Variants in PHF14 observed in about 807,000 individuals in gnomAD.
The protein encoded by PHF14 is PHD finger protein 14.
PHF14 carries 55 observed loss-of-function variants against 117.9 expected under a neutral mutation model. The observed-to-expected ratio is 0.47, with a 90% CI of 0.38 to 0.58. PHF14 has a LOEUF of 0.58. Ranked by LOEUF, PHF14 falls within the 20% of genes least tolerant of loss-of-function variation. The probability of loss-of-function intolerance (pLI) is 0.00; values close to 1 mark genes in which losing one functional copy is unlikely to be tolerated. For missense variants in PHF14, 978 were observed against 1,122.2 expected (o/e 0.87, Z 1.84); for synonymous variants, 409 against 368.6 (o/e 1.11, Z -1.26).
intron 17 of PHF14, among the ~76,000 whole-genome samples, chr7:11,140,155 C>T (rs373236835): frequency 6.6e-6 from 1 of 152,084 alleles, no homozygotes; most frequent in Non-Finnish European, 1.5e-5. Flanking sequence ...CCTGCACACA[C>T]CTGTACATAC....
chr7:11,103,066 G>A, intron 16 of PHF14: 5 of 978,930 alleles, frequency 5.1e-6, no homozygotes, highest in Middle Eastern at 1.1e-3. Context: ...ATGAAGTACT[G>A]CATTGTAAAA....
At chr7:11,146,399 G>T (rs1191305973) in intron 17 of PHF14, among the ~76,000 whole-genome samples, 1 of 152,008 alleles carries the variant, frequency 6.6e-6, no homozygotes, top group African/African-American at 2.4e-5. Flanking sequence ...TCCAGCTGTT[G>T]CCCCATTTCT....
chr7:11,075,399 C>T (rs12154286), intron 16 of PHF14, among the ~76,000 whole-genome samples: 1 of 152,106 alleles, frequency 6.6e-6, no homozygotes, highest in Non-Finnish European at 1.5e-5. Context: ...GCACTAGCAT[C>T]TGCTTCTGGC....
At chr7:10,992,941 T>A (rs1457682894) in intron 4 of PHF14, among the ~76,000 whole-genome samples, 3 of 152,166 alleles carry the variant, frequency 2.0e-5, no homozygotes, top group African/African-American at 7.2e-5. Context: ...TTTTTTATTT[T>A]GGTTTGTTTT....
chr7:11,152,682 G>A (rs988575429), intron 17 of PHF14, among the ~76,000 whole-genome samples: 1 of 152,146 alleles, frequency 6.6e-6, no homozygotes, highest in Admixed American at 6.5e-5. Flanking sequence ...CTGTCGTGGA[G>A]CATGCACTCT....
chr7:10,985,579 A>G (rs1414448232), intron 3 of PHF14, among the ~76,000 whole-genome samples: 2 of 145,542 alleles, frequency 1.4e-5, no homozygotes, highest in African/African-American at 5.0e-5. Context: ...ACATATGCTT[A>G]ATGGCCTTAA....
At chr7:11,086,902 C>T (rs1786429935) in intron 16 of PHF14, among the ~76,000 whole-genome samples, 1 of 152,006 alleles carries the variant, frequency 6.6e-6, no homozygotes, top group Admixed American at 6.6e-5. Flanking sequence ...TCTTGGGTTT[C>T]TATGGATAGT....
At chr7:11,116,851 AT>A (rs980204082) in intron 17 of PHF14, among the ~76,000 whole-genome samples, 4 of 151,964 alleles carry the variant, frequency 2.6e-5, no homozygotes, top group Non-Finnish European at 4.4e-5. Flanking sequence ...GGAATTTTAA[AT>A]TTTAAAACAA....
intron 4 of PHF14, among the ~76,000 whole-genome samples, chr7:11,010,593 T>G (rs1198174094): frequency 6.6e-6 from 1 of 152,046 alleles, no homozygotes; most frequent in Non-Finnish European, 1.5e-5. Context: ...TTAACTATAT[T>G]TAGCATAACT....
chr7:11,102,913 G>C lies in PHF14; in HGVS notation c.2655-8437G>C, dbSNP rs145320424. ...ATACACAGTGTTTGGACTTACTGAA[G>C]AGTTACTGAAGCCTGTGGGACTTAA... is the stretch of plus-strand genomic sequence containing the variant. On this transcript the variant is annotated intron_variant, in intron 16 of 17. Coordinates refer to ENST00000634607, the MANE Select transcript of PHF14 (RefSeq NM_001007157.2). 1.6e-5 allele frequency: 17 copies of C among 1,064,006 alleles called. No individual in the cohort carries two copies. In the Middle Eastern group the frequency reaches 1.3e-3, roughly 84 times the overall value. The allele number at this position is 1,064,006 out of a possible 1,614,324, so 65.9% of individuals were successfully genotyped here. A position where few individuals can be genotyped will look rare whatever the true frequency, so the allele number is the denominator to read the frequency against.
intron 6 of PHF14, among the ~76,000 whole-genome samples, chr7:11,028,142 TA>T (rs1694953480): frequency 6.6e-6 from 1 of 152,138 alleles, no homozygotes; most frequent in Non-Finnish European, 1.5e-5. Flanking sequence ...CTACCTTTAA[TA>T]TGCTTGGAAC....
intron 4 of PHF14, among the ~76,000 whole-genome samples, chr7:11,001,956 C>T (rs1244690103): frequency 6.6e-6 from 1 of 151,986 alleles, no homozygotes; most frequent in Non-Finnish European, 1.5e-5. Flanking sequence ...AGTTTCTCAT[C>T]GTTAAGTATG....
At chr7:11,129,598 C>T (rs1788031840) in intron 17 of PHF14, among the ~76,000 whole-genome samples, 3 of 148,596 alleles carry the variant, frequency 2.0e-5, no homozygotes, top group Non-Finnish European at 4.5e-5. Flanking sequence ...ACAGTAAACC[C>T]TTTATTTACC....
chr7:11,033,809 C>G (rs114881351), intron 7 of PHF14, among the ~76,000 whole-genome samples: 2,036 of 152,200 alleles, frequency 0.013, 47 homozygotes, highest in African/African-American at 0.046. Flanking sequence ...TCGGTATAAT[C>G]TTTATTTCCA....
At chr7:11,074,053 A>G (rs146691723) in intron 16 of PHF14, among the ~76,000 whole-genome samples, 2 of 152,268 alleles carry the variant, frequency 1.3e-5, no homozygotes, top group East Asian at 3.9e-4. Context: ...GATGGGCTGC[A>G]CTGCCTGGAA....
At chr7:11,092,990 T>A (rs1786701834) in intron 16 of PHF14, among the ~76,000 whole-genome samples, 1 of 152,224 alleles carries the variant, frequency 6.6e-6, no homozygotes, top group Non-Finnish European at 1.5e-5. Context: ...GTCTGTTGTC[T>A]CCCTGAGACA....
chr7:11,137,878 C>T (rs1011876847), intron 17 of PHF14, among the ~76,000 whole-genome samples: 1 of 151,970 alleles, frequency 6.6e-6, no homozygotes, highest in Admixed American at 6.6e-5. Flanking sequence ...TGAGCCACTG[C>T]GCCCGGCCCT....
chr7:11,007,723 A>G (rs1428979455), intron 4 of PHF14, among the ~76,000 whole-genome samples: 1 of 152,214 alleles, frequency 6.6e-6, no homozygotes, highest in African/African-American at 2.4e-5. Flanking sequence ...GAAGAAAAAA[A>G]CATTTCTAAT....
chr7:11,141,505 T>C (rs1364334018), intron 17 of PHF14, among the ~76,000 whole-genome samples: 1 of 152,000 alleles, frequency 6.6e-6, no homozygotes, highest in Non-Finnish European at 1.5e-5. Context: ...GCTAGTTGGG[T>C]TTATTGTTTG....
Sources: allele counts gnomAD v4.1 joint callset (sites outside exome capture counted in the v4.1 genomes callset), GRCh38; gene constraint gnomAD v4.1.1; transcripts MANE v1.5; gene names NCBI Gene and HGNC (gene_info 2026-07-23, HGNC 2026-07-21).